Variants in LUZP2 observed in about 807,000 individuals in gnomAD.
LUZP2 encodes the protein leucine zipper protein 2.
In LUZP2, 52 loss-of-function variants were observed where a neutral mutation model predicts 51.6. The observed-to-expected ratio is 1.01, with a 90% CI of 0.81 to 1.27. The LOEUF (loss-of-function observed/expected upper bound fraction) is 1.27, where lower values mean the gene tolerates loss of function less well. LUZP2 is among the 50% of genes most tolerant of loss of function. The probability of loss-of-function intolerance (pLI) is 0.00; values close to 1 mark genes in which losing one functional copy is unlikely to be tolerated. For synonymous variants in LUZP2, 154 were observed against 137.3 expected (o/e 1.12, Z -0.85); for missense variants, 436 against 395.4 (o/e 1.10, Z -0.87).
intron 5 of LUZP2, among the ~76,000 whole-genome samples, chr11:24,881,040 C>G (rs1056481543): frequency 6.6e-6 from 1 of 151,972 alleles, no homozygotes; most frequent in Non-Finnish European, 1.5e-5. Context: ...GACAGAAGAT[C>G]TGATGTAGGT....
intron 5 of LUZP2, among the ~76,000 whole-genome samples, chr11:24,844,024 T>C (rs1026076028): frequency 6.6e-6 from 1 of 152,036 alleles, no homozygotes; most frequent in East Asian, 1.9e-4. Context: ...TTGGTACCAG[T>C]AGAGTGGGGC....
At chr11:24,560,990 T>C (rs1852022540) in intron 1 of LUZP2, among the ~76,000 whole-genome samples, 1 of 151,796 alleles carries the variant, frequency 6.6e-6, no homozygotes, top group African/African-American at 2.4e-5. Flanking sequence ...TTATTAGAAC[T>C]ATCTGGAGTA....
intron 1 of LUZP2, among the ~76,000 whole-genome samples, chr11:24,532,193 C>T (rs867463500): frequency 1.3e-5 from 2 of 150,788 alleles, no homozygotes; most frequent in South Asian, 4.1e-4. Context: ...ATACCAATTA[C>T]TAGACATACT....
chr11:24,627,499 G>T (rs762517109), intron 1 of LUZP2, among the ~76,000 whole-genome samples: 8 of 152,252 alleles, frequency 5.3e-5, no homozygotes, highest in Middle Eastern at 3.4e-3. Context: ...AAGAAATCAG[G>T]TATTTAACTA....
chr11:24,870,470 T>TACAC (rs377460741), intron 5 of LUZP2, among the ~76,000 whole-genome samples: 2,171 of 130,676 alleles, frequency 0.017, 28 homozygotes, highest in African/African-American at 0.039. Flanking sequence ...CACCAGTTCC[T>TACAC]ACACACACAC....
rs72884459 is a variant in LUZP2, at chr11:24,748,810, G to A, written c.333+10508G>A. On this transcript the variant is annotated intron_variant, in intron 4 of 11. Transcript: ENST00000336930. Reference sequence around the variant, plus strand: ...TATCAGTATATATTTATGTATGTAGGTATCTATAAATATACACACATACAC... The same window carrying A: ...TATCAGTATATATTTATGTATGTAGATATCTATAAATATACACACATACAC... 4.7e-3 allele frequency among the ~76,000 whole-genome samples: 718 copies of A among 152,120 alleles called. 6 individuals carry two copies. Among genetic ancestry groups the A allele is most frequent in the Middle Eastern group, 0.014 (4 of 292 alleles).
chr11:24,666,624 A>C (rs1347132370), intron 1 of LUZP2, among the ~76,000 whole-genome samples: 1 of 152,150 alleles, frequency 6.6e-6, no homozygotes, highest in Non-Finnish European at 1.5e-5. Flanking sequence ...CTGTGAAATT[A>C]AGACAAAGTT....
At chr11:24,923,842 G>A (rs917663436) in intron 7 of LUZP2, among the ~76,000 whole-genome samples, 5 of 152,048 alleles carry the variant, frequency 3.3e-5, no homozygotes, top group Non-Finnish European at 7.4e-5. Flanking sequence ...ACAAAAATAG[G>A]ACTAGGAGTC....
Position 25,081,029 on chromosome 11 carries a change from ATTTTTT to A in LUZP2, c.*2387_*2392del, listed in dbSNP as rs553696425. 9.9e-6 allele frequency: 1 copy of A among 100,706 alleles called. No homozygotes were observed. The highest frequency in any genetic ancestry group is 1.8e-5 in the Non-Finnish European group (1 of 54,676). 6.2% of individuals were successfully genotyped at this position (100,706 alleles called of 1,614,324 possible). A position where few individuals can be genotyped will look rare whatever the true frequency, so the allele number is the denominator to read the frequency against. On this transcript the variant is annotated 3_prime_UTR_variant, in exon 12 of 12. Coordinates refer to ENST00000336930, the MANE Select transcript of LUZP2 (RefSeq NM_001009909.4). ...ATCAAGTGGGCTTTGGATCCATATG[ATTTTTT>A]TTTTTTTTTTTTTTTGAGATGAAAT...
At chr11:25,015,508 G>A (rs1183233894) in intron 9 of LUZP2, among the ~76,000 whole-genome samples, 3 of 152,088 alleles carry the variant, frequency 2.0e-5, no homozygotes, top group Non-Finnish European at 2.9e-5. Flanking sequence ...TCAGGTCTTT[G>A]ACAGTTTTTC....
chr11:24,760,654 C>T (rs974902553), intron 4 of LUZP2, among the ~76,000 whole-genome samples: 13 of 152,152 alleles, frequency 8.5e-5, no homozygotes, highest in African/African-American at 3.1e-4. Context: ...GAAACTTATA[C>T]AGGCCTGAAA....
At chr11:24,686,280 G>A (rs1856895400) in intron 1 of LUZP2, among the ~76,000 whole-genome samples, 2 of 151,918 alleles carry the variant, frequency 1.3e-5, no homozygotes, top group South Asian at 4.1e-4. Context: ...GATTGTGGCA[G>A]TTTCTAACAT....
At position 24,625,704 on chromosome 11, in the gene LUZP2, T is replaced by TAA. The variant is rs78453169; in HGVS notation, c.63-103452_63-103451dup. On this transcript the variant is annotated intron_variant, in intron 1 of 11. Transcript: ENST00000336930. ...TCGTTTGAAAAATGACTGTATTATC[T>TAA]AAAAAAAAAAAAAATCAAAGTTTTC... 2.8e-4 allele frequency among the ~76,000 whole-genome samples: 39 copies of TAA among 137,548 alleles called. No homozygotes were observed. In the East Asian group the frequency reaches 7.0e-3, roughly 25 times the overall value. 90.2% of individuals were successfully genotyped at this position (137,548 alleles called of 152,430 possible). A position where few individuals can be genotyped will look rare whatever the true frequency, so the allele number is the denominator to read the frequency against.
At chr11:24,576,622 T>C (rs2133812954) in intron 1 of LUZP2, among the ~76,000 whole-genome samples, 1 of 152,136 alleles carries the variant, frequency 6.6e-6, no homozygotes, top group East Asian at 1.9e-4. Flanking sequence ...AGTGCCGAAT[T>C]GCCAATGCCA....
chr11:24,984,155 C>CT (rs149266512), intron 9 of LUZP2, among the ~76,000 whole-genome samples: 2,513 of 151,544 alleles, frequency 0.017, 37 homozygotes, highest in South Asian at 0.083. Flanking sequence ...GCTATGGATA[C>CT]CAGCCTGACT....
chr11:24,635,925 T>C (rs1490411694), intron 1 of LUZP2, among the ~76,000 whole-genome samples: 1 of 152,074 alleles, frequency 6.6e-6, no homozygotes, highest in Non-Finnish European at 1.5e-5. Flanking sequence ...ACAGCAAAAG[T>C]GGAACTGGGG....
intron 1 of LUZP2, among the ~76,000 whole-genome samples, chr11:24,666,746 A>G (rs1244238984): frequency 6.6e-6 from 1 of 152,190 alleles, no homozygotes; most frequent in East Asian, 1.9e-4. Context: ...TATTAAAAGA[A>G]GTTTTTATCT....
chr11:24,996,487 T>G (rs1410685919), intron 9 of LUZP2, among the ~76,000 whole-genome samples: 1 of 151,922 alleles, frequency 6.6e-6, no homozygotes, highest in Non-Finnish European at 1.5e-5. Flanking sequence ...AACTAGGATT[T>G]TCCATTGTAA....
chr11:24,782,272 A>G (rs998966705), intron 5 of LUZP2, among the ~76,000 whole-genome samples: 1 of 152,058 alleles, frequency 6.6e-6, no homozygotes, highest in Non-Finnish European at 1.5e-5. Flanking sequence ...CATTAGAAGT[A>G]TGGTCAGAGT....
Sources: allele counts gnomAD v4.1 joint callset (sites outside exome capture counted in the v4.1 genomes callset), GRCh38; gene constraint gnomAD v4.1.1; transcripts MANE v1.5; gene names NCBI Gene and HGNC (gene_info 2026-07-23, HGNC 2026-07-21).